Variants in OR2H2 observed in about 807,000 individuals in gnomAD.
The protein encoded by OR2H2 is olfactory receptor family 2 subfamily H member 2.
For missense variants in OR2H2, 295 were observed against 313.7 expected, an observed-to-expected ratio of 0.94 and a Z score of 0.45; for synonymous variants, 146 against 132.4, an observed-to-expected ratio of 1.10 and a Z score of -0.71.
In OR2H2 at chr6:29,588,422, T is replaced by C. The variant is rs750480051; in HGVS notation, c.478T>C (p.Ser160Pro). ...AGTGGAGTCAGTGGTCCAGACACCA[T>C]CCACCCTGCACCTGCCCTTCTGCCC... Reference protein sequence around the residue: ...GLVESVVQTPSTLHLPFCPDR... With the variant: ...GLVESVVQTPPTLHLPFCPDR... The change falls in exon 2 of 2, where the codon TCC (serine) becomes CCC (proline). Residue 160 changes from serine (S) to proline (P), a missense_variant. Coordinates refer to ENST00000641840, the MANE Select transcript of OR2H2 (RefSeq NM_007160.4). 9 of 1,531,268 alleles carry C rather than the reference T, an allele frequency of 5.9e-6. No homozygotes were observed. Among genetic ancestry groups the C allele is most frequent in the Admixed American group, 5.0e-5 (3 of 59,904 alleles). 94.9% of individuals were successfully genotyped at this position (1,531,268 alleles called of 1,614,324 possible). A position where few individuals can be genotyped will look rare whatever the true frequency, so the allele number is the denominator to read the frequency against.
chr6:29,587,477 A>G (rs895308400), intron 1 of OR2H2, 193 bp from the exon 2 acceptor site: 2 of 160,058 alleles, frequency 1.2e-5, no homozygotes, highest in African/African-American at 2.4e-5. Flanking sequence ...CATTCAACCA[A>G]TAGAGCAATA....
intron 1 of OR2H2, among the ~76,000 whole-genome samples, chr6:29,585,802 A>G (rs1259272095): frequency 6.6e-6 from 1 of 152,256 alleles, no homozygotes; most frequent in Non-Finnish European, 1.5e-5. Context: ...GAAAAGACAG[A>G]GAACAAAGAG....
rs73744761 is a variant in OR2H2, at chr6:29,588,639, G to A, written c.695G>A (p.Arg232Gln). 1.7e-3 allele frequency: 2,379 copies of A among 1,400,948 alleles called. 12 individuals are homozygous for A. The highest frequency in any genetic ancestry group is 2.7e-3 in the African/African-American group (192 of 70,702). The allele number at this position is 1,400,948 out of a possible 1,614,324, so 86.8% of individuals were successfully genotyped here. A position where few individuals can be genotyped will look rare whatever the true frequency, so the allele number is the denominator to read the frequency against. The change falls in exon 2 of 2, where the codon CGG becomes CAG. Residue 232 changes from arginine (R) to glutamine (Q), a missense_variant. Transcript: ENST00000641840. The part of the protein sequence containing the change: ...AVLRINSAKG[R>Q]RKAFGTCSSH... ...CTGAGGATTAACTCTGCAAAAGGGC[G>A]GAGGAAAGCTTTTGGGACCTGCTCC...
In OR2H2 at chr6:29,588,559, G is replaced by A; in HGVS notation, c.615G>A (p.Leu205=). Residue 205 remains leucine, a synonymous_variant, in exon 2 of 2, where the codon TTG becomes TTA. Transcript: ENST00000641840. ...TGGCTGTTGCCAGTGTCTTCATCTTGGTTGTGCCTCTCAGCCTCATCCTTG... is the reference window on the plus strand; with the variant it reads ...TGGCTGTTGCCAGTGTCTTCATCTTAGTTGTGCCTCTCAGCCTCATCCTTG... The part of the protein sequence containing the change: ...IQVAVASVFI[L]VVPLSLILVS... 3 of 974,864 alleles carry A rather than the reference G, an allele frequency of 3.1e-6. No individual in the cohort carries two copies. The East Asian group carries it at 7.1e-5, about 23-fold the overall frequency. 60.4% of individuals were successfully genotyped at this position (974,864 alleles called of 1,614,324 possible).
chr6:29,588,451 T>A lies in OR2H2; in HGVS notation c.507T>A (p.Asp169Glu). ...PSTLHLPFCP[D>E]RQVDDFVCEV... is the part of the protein sequence containing the mutation. The stretch of plus-strand genomic sequence containing the variant: ...CCCTGCACCTGCCCTTCTGCCCCGA[T>A]CGGCAGGTGGATGATTTTGTCTGTG... Residue 169 changes from aspartate to glutamate, a missense_variant, in exon 2 of 2, where the codon GAT (aspartate) becomes GAA (glutamate). Physicochemically the swap from Asp to Glu is conservative, Grantham distance 45. Coordinates refer to ENST00000641840, the MANE Select transcript of OR2H2 (RefSeq NM_007160.4). 7.4e-7 allele frequency: 1 copy of A among 1,346,708 alleles called. No individual in the cohort carries two copies. The highest frequency in any genetic ancestry group is 1.1e-6 in the Non-Finnish European group (1 of 936,698). The allele number at this position is 1,346,708 out of a possible 1,614,324, so 83.4% of individuals were successfully genotyped here.
At position 29,589,510 on chromosome 6, in the gene OR2H2, A is replaced by G. The variant is rs1760529664; in HGVS notation, c.*627A>G. The G allele has an allele frequency of 6.6e-6, 1 of 152,348 alleles. No homozygotes were observed. Among genetic ancestry groups the G allele is most frequent in the African/African-American group, 2.4e-5 (1 of 41,468 alleles). 9.4% of individuals were successfully genotyped at this position (152,348 alleles called of 1,614,324 possible). On this transcript the variant is annotated 3_prime_UTR_variant, in exon 2 of 2. Coordinates refer to ENST00000641840, the MANE Select transcript of OR2H2 (RefSeq NM_007160.4). ...GGCTTGAGCCTTACAAAGGAAACTT[A>G]GCTTCTTCAGTCCTATTTCTTCTCT...
Position 29,589,031 on chromosome 6 carries a change from G to A in OR2H2, c.*148G>A, listed in dbSNP as rs1399663292. On this transcript the variant is annotated 3_prime_UTR_variant, in exon 2 of 2. Coordinates refer to ENST00000641840, the MANE Select transcript of OR2H2 (RefSeq NM_007160.4). ...CATGTCTGTGTGTGTGCATGTATGT[G>A]TGCAAGAGACAGCGACTGAAATGTA... 1.7e-6 allele frequency: 1 copy of A among 605,784 alleles called. No homozygotes were observed. Among genetic ancestry groups the A allele is most frequent in the African/African-American group, 1.9e-5 (1 of 53,878 alleles). The allele number at this position is 605,784 out of a possible 1,614,324, so 37.5% of individuals were successfully genotyped here.
In OR2H2 at chr6:29,589,373, A is replaced by G. The variant is rs1760523318; in HGVS notation, c.*490A>G. The G allele has an allele frequency of 6.2e-6, 1 of 160,320 alleles. No individual in the cohort carries two copies. 9.9% of individuals were successfully genotyped at this position (160,320 alleles called of 1,614,324 possible). A position where few individuals can be genotyped will look rare whatever the true frequency, so the allele number is the denominator to read the frequency against. On this transcript the variant is annotated 3_prime_UTR_variant, in exon 2 of 2. Transcript: ENST00000641840. ...TAAGTTCGGAAACTCACCCAAGAAC[A>G]CACAGTGTCCACAGCATCAGAACTA...
At position 29,588,974 on chromosome 6, in the gene OR2H2, A is replaced by G; in HGVS notation, c.*91A>G. 1.5e-6 allele frequency: 1 copy of G among 661,650 alleles called. No homozygotes were observed. The highest frequency in any genetic ancestry group is 2.4e-5 in the Admixed American group (1 of 41,506). 41.0% of individuals were successfully genotyped at this position (661,650 alleles called of 1,614,324 possible). On this transcript the variant is annotated 3_prime_UTR_variant, in exon 2 of 2. Transcript: ENST00000641840. ...TTCCCTGCCCCTCTGCCTTCTTCAC[A>G]CCCATTACATTGTGGGAATGGATGA...
intron 1 of OR2H2, among the ~76,000 whole-genome samples, chr6:29,586,214 G>A (rs1760241112): frequency 6.6e-6 from 1 of 152,176 alleles, no homozygotes; most frequent in Non-Finnish European, 1.5e-5. Context: ...TTAGAGGCCA[G>A]GCACAGTGAC....
Position 29,588,900 on chromosome 6 carries a change from G to A in OR2H2, c.*17G>A, listed in dbSNP as rs746610944. ...CAAAGCTGAGGGAGAGCTGCTTAAT[G>A]TGCTTTAAAAGAGAGGAGATTCTAT... On this transcript the variant is annotated 3_prime_UTR_variant, in exon 2 of 2. Transcript: ENST00000641840. 5.2e-5 allele frequency: 41 copies of A among 782,090 alleles called. No individual in the cohort carries two copies. Among genetic ancestry groups the A allele is most frequent in the Non-Finnish European group, 9.0e-5 (38 of 421,318 alleles). 48.4% of individuals were successfully genotyped at this position (782,090 alleles called of 1,614,324 possible).
rs1269810546 is a variant in OR2H2, at chr6:29,588,624, ACT to A, written c.683_684del (p.Ser228CysfsTer56). ...ATTACCTGGGCAGTGCTGAGGATTAACTCTGCAAAAGGGCGGAGGAAAGCTTT... is the reference window on the plus strand; with the variant it reads ...ATTACCTGGGCAGTGCTGAGGATTAACTGCAAAAGGGCGGAGGAAAGCTTT... On this transcript the variant is annotated frameshift_variant, in exon 2 of 2. Transcript: ENST00000641840. LOFTEE classifies it low-confidence loss of function (END_TRUNC). The A allele has an allele frequency of 7.6e-7, 1 of 1,318,898 alleles. No homozygotes were observed. Among genetic ancestry groups the A allele is most frequent in the Non-Finnish European group, 1.1e-6 (1 of 911,958 alleles). The allele number at this position is 1,318,898 out of a possible 1,614,324, so 81.7% of individuals were successfully genotyped here.
chr6:29,588,749 G>A lies in OR2H2; in HGVS notation c.805G>A (p.Gly269Ser), dbSNP rs201155078. 1 of 1,285,700 alleles carries A rather than the reference G, an allele frequency of 7.8e-7. No homozygotes were observed. The highest frequency in any genetic ancestry group is 1.5e-5 in the African/African-American group (1 of 68,260). The allele number at this position is 1,285,700 out of a possible 1,614,324, so 79.6% of individuals were successfully genotyped here. Residue 269 changes from glycine to serine, a missense_variant, in exon 2 of 2, where the codon GGC becomes AGC. Gly to Ser is a moderately conservative substitution (Grantham distance 56, BLOSUM62 0). Transcript: ENST00000641840. ...CAAAAATCCCTATGCCCAAGAGAGG[G>A]GCAAGTTCTTTGGTCTCTTCTATGC... ...QPKNPYAQER[G>S]KFFGLFYAVG...
Position 29,588,202 on chromosome 6 carries a change from AAAG to A in OR2H2, c.263_265del (p.Lys88del), listed in dbSNP as rs777906414. 6.6e-7 allele frequency: 1 copy of A among 1,507,292 alleles called. No homozygotes were observed. 93.4% of individuals were successfully genotyped at this position (1,507,292 alleles called of 1,614,324 possible). On this transcript the variant is annotated inframe_deletion, in exon 2 of 2. Transcript: ENST00000641840. ...AAATGCTGGTCAACCTCTGGGGCCCAAAGAAGACCATCAGCTTCCTGGACTGCT... is the reference window on the plus strand; with the variant it reads ...AAATGCTGGTCAACCTCTGGGGCCCAAAGACCATCAGCTTCCTGGACTGCT...
intron 1 of OR2H2, among the ~76,000 whole-genome samples, chr6:29,586,639 A>AC (rs1760276507): frequency 6.6e-6 from 1 of 152,212 alleles, no homozygotes; most frequent in African/African-American, 2.4e-5. Context: ...TAAATATGTA[A>AC]CAATATTTTG....
Position 29,588,609 on chromosome 6 carries a change from C to T in OR2H2, c.665C>T (p.Ala222Val), listed in dbSNP as rs768170738. 3 of 1,177,986 alleles carry T rather than the reference C, an allele frequency of 2.5e-6. No homozygotes were observed. Among genetic ancestry groups the T allele is most frequent in the Admixed American group, 1.7e-5 (1 of 59,498 alleles). 73.0% of individuals were successfully genotyped at this position (1,177,986 alleles called of 1,614,324 possible). ...GTCTCTTACGGAGCCATTACCTGGG[C>T]AGTGCTGAGGATTAACTCTGCAAAA... ...ILVSYGAITW[A>V]VLRINSAKGR... The change falls in exon 2 of 2, where the codon GCA becomes GTA. Residue 222 changes from alanine (A) to valine (V), a missense_variant. Coordinates refer to ENST00000641840, the MANE Select transcript of OR2H2 (RefSeq NM_007160.4).
At chr6:29,586,230 C>A (rs1760242561) in intron 1 of OR2H2, among the ~76,000 whole-genome samples, 1 of 152,180 alleles carries the variant, frequency 6.6e-6, no homozygotes, top group African/African-American at 2.4e-5. Flanking sequence ...GTGACTCATG[C>A]CTGTAATCCC....
In OR2H2 at chr6:29,587,752, C is replaced by G; in HGVS notation, c.-193C>G. The G allele has an allele frequency of 1.8e-6, 1 of 551,770 alleles. No homozygotes were observed. Among genetic ancestry groups the G allele is most frequent in the South Asian group, 2.8e-5 (1 of 35,466 alleles). The allele number at this position is 551,770 out of a possible 1,614,324, so 34.2% of individuals were successfully genotyped here. ...TCACTCTCACTAGACAATGTTTGAC[C>G]AGGAAGAACAGGGAATGAGAAGGAG... On this transcript the variant is annotated 5_prime_UTR_variant, in exon 2 of 2. Transcript: ENST00000641840.
Position 29,588,303 on chromosome 6 carries a change from G to A in OR2H2, c.359G>A (p.Arg120His), listed in dbSNP as rs572286350. 1.2e-5 allele frequency: 19 copies of A among 1,612,396 alleles called. No individual in the cohort carries two copies. Among genetic ancestry groups the A allele is most frequent in the East Asian group, 6.7e-5 (3 of 44,850 alleles). ...CTCTTGACAGTGATGGCTTTTGATC[G>A]CTACGTGGCTGTCTGCCAGCCCCTC... ...CILLTVMAFD[R>H]YVAVCQPLHY... Residue 120 changes from arginine (R) to histidine (H), a missense_variant, in exon 2 of 2, where the codon CGC becomes CAC. Physicochemically the swap from Arg to His is conservative, Grantham distance 29 (BLOSUM62 0). Coordinates refer to ENST00000641840, the MANE Select transcript of OR2H2 (RefSeq NM_007160.4).
Sources: allele counts gnomAD v4.1 joint callset (sites outside exome capture counted in the v4.1 genomes callset), GRCh38; gene constraint gnomAD v4.1.1; transcripts MANE v1.5; gene names NCBI Gene and HGNC (gene_info 2026-07-23, HGNC 2026-07-21).